OPHN1: variants seen among roughly 807,000 people sequenced by gnomAD.
OPHN1 encodes oligophrenin 1.
A neutral mutation model predicts 60.7 loss-of-function variants in OPHN1; 11 were observed. That is an observed-to-expected ratio of 0.18 (90% CI 0.11 to 0.30). The LOEUF is 0.30. Among genes scored for constraint, OPHN1 ranks in the 10% least tolerant of loss-of-function variants. The pLI is 1.00. For missense variants in OPHN1, 449 were observed against 611.0 expected (o/e 0.73, Z 2.80); for synonymous variants, 226 against 222.6 (o/e 1.02, Z -0.14).
chrX:68,395,466 A>C (rs1415471110), intron 2 of OPHN1, among the ~76,000 whole-genome samples: 1 of 99,931 alleles, frequency 1.0e-5, no homozygotes, highest in East Asian at 3.2e-4. Flanking sequence ...TTTTTTCTGG[A>C]GATGGAGTTT....
chrX:68,209,212 T>G (rs1366570924), intron 9 of OPHN1, among the ~76,000 whole-genome samples: 1 of 111,627 alleles, frequency 9.0e-6, no homozygotes, highest in Non-Finnish European at 1.9e-5. Flanking sequence ...CACATACAGG[T>G]GTGCATAATG....
chrX:68,216,994 T>A (rs2077613120), intron 6 of OPHN1, among the ~76,000 whole-genome samples: 1 of 111,789 alleles, frequency 8.9e-6, no homozygotes, highest in Admixed American at 9.4e-5. Flanking sequence ...GACGGGTGAC[T>A]TCTGCATTTC....
intron 5 of OPHN1, among the ~76,000 whole-genome samples, chrX:68,270,303 G>A (rs1383980721): frequency 5.4e-5 from 6 of 110,217 alleles, no homozygotes; most frequent in Admixed American, 1.9e-4. Flanking sequence ...TGTTTATTGC[G>A]GCACTATTCA....
chrX:68,297,703 G>A, intron 3 of OPHN1, among the ~76,000 whole-genome samples: 1 of 111,071 alleles, frequency 9.0e-6, no homozygotes, highest in Non-Finnish European at 1.9e-5. Context: ...AACATCTACT[G>A]TATGCCAGGC....
chrX:68,364,596 A>G (rs1393694706), intron 2 of OPHN1, among the ~76,000 whole-genome samples: 1 of 112,386 alleles, frequency 8.9e-6, no homozygotes, highest in Admixed American at 9.5e-5. Context: ...TTGATGAAAT[A>G]AGAACAGTTG....
chrX:68,365,103 A>G (rs1222162722), intron 2 of OPHN1, among the ~76,000 whole-genome samples: 1 of 112,057 alleles, frequency 8.9e-6, no homozygotes, highest in African/African-American at 3.2e-5. Context: ...AAACATGGCC[A>G]CTGTCTTCAA....
chrX:68,067,414 A>T (rs1201862420), intron 20 of OPHN1, among the ~76,000 whole-genome samples: 1 of 110,957 alleles, frequency 9.0e-6, no homozygotes, highest in African/African-American at 3.3e-5. Flanking sequence ...CTATATCATG[A>T]AGTCCATGAA....
At chrX:68,210,419 T>C in intron 8 of OPHN1, 137 bp from the exon 9 acceptor site, 2 of 612,668 alleles carry the variant, frequency 3.3e-6, no homozygotes, top group Admixed American at 6.3e-5. Context: ...AAATGGTGAA[T>C]GGCATAGTGA....
At chrX:68,190,216 G>A (rs2077481877) in intron 15 of OPHN1, among the ~76,000 whole-genome samples, 1 of 111,981 alleles carries the variant, frequency 8.9e-6, no homozygotes, top group African/African-American at 3.2e-5. Context: ...ACTAGACATT[G>A]AAAGGTAACT....
intron 2 of OPHN1, among the ~76,000 whole-genome samples, chrX:68,396,816 AAAAAAT>A (rs1215235123): frequency 6.3e-5 from 7 of 111,347 alleles, no homozygotes; most frequent in Non-Finnish European, 9.4e-5. Flanking sequence ...CTCCATCTCA[AAAAAAT>A]AAAAATAAAA....
intron 19 of OPHN1, among the ~76,000 whole-genome samples, chrX:68,078,474 T>A (rs1328448875): frequency 8.9e-6 from 1 of 111,973 alleles, no homozygotes; most frequent in East Asian, 2.8e-4. Flanking sequence ...ATATTTATTA[T>A]GTTTATAGGC....
At chrX:68,068,284 A>G (rs2076920235) in intron 20 of OPHN1, among the ~76,000 whole-genome samples, 1 of 109,418 alleles carries the variant, frequency 9.1e-6, no homozygotes, top group African/African-American at 3.3e-5. Context: ...AGTCTGGCCA[A>G]CACAGTGAAA....
At chrX:68,078,503 C>T (rs1298671038) in intron 19 of OPHN1, among the ~76,000 whole-genome samples, 1 of 111,703 alleles carries the variant, frequency 9.0e-6, no homozygotes, top group Admixed American at 9.5e-5. Flanking sequence ...ATGCATCTGT[C>T]CATCCAACAA....
chrX:68,354,660 C>G (rs1180577874), intron 2 of OPHN1, among the ~76,000 whole-genome samples: 6 of 101,590 alleles, frequency 5.9e-5, no homozygotes, highest in African/African-American at 2.2e-4. Flanking sequence ...GAGGCTGAGA[C>G]AGGAGAATCA....
intron 19 of OPHN1, among the ~76,000 whole-genome samples, chrX:68,082,131 G>A (rs942936617): frequency 2.7e-5 from 3 of 111,563 alleles, no homozygotes; most frequent in African/African-American, 9.8e-5. Context: ...ACGTCTTCAG[G>A]CTCCACTTCT....
chrX:68,167,679 A>G (rs1438390012), intron 15 of OPHN1, among the ~76,000 whole-genome samples: 1 of 100,714 alleles, frequency 9.9e-6, no homozygotes, highest in Non-Finnish European at 2.0e-5. Context: ...ATGCATACAC[A>G]TGTATATATG....
chrX:68,310,240 G>C (rs971634970), intron 2 of OPHN1, among the ~76,000 whole-genome samples: 5 of 111,445 alleles, frequency 4.5e-5, no homozygotes, highest in African/African-American at 1.6e-4. Context: ...AGCTTGGAAT[G>C]AGGTCCCTTC....
chrX:68,237,842 C>G (rs1052434455), intron 5 of OPHN1, among the ~76,000 whole-genome samples: 3 of 111,865 alleles, frequency 2.7e-5, no homozygotes, highest in Non-Finnish European at 5.6e-5. Context: ...GATAGATTTA[C>G]TTCTTTCCAA....
At chrX:68,167,624 C>CATGCATGCATATATATGCATACATAT (rs2077365277) in intron 15 of OPHN1, among the ~76,000 whole-genome samples, 7 of 109,113 alleles carry the variant, frequency 6.4e-5, no homozygotes, top group South Asian at 7.9e-4. Context: ...TACATGCGCG[C>CATGCATGCATATATATGCATACATAT]ATGCATGCAT....
Sources: allele counts gnomAD v4.1 joint callset (sites outside exome capture counted in the v4.1 genomes callset), GRCh38; gene constraint gnomAD v4.1.1; transcripts MANE v1.5; gene names NCBI Gene and HGNC (gene_info 2026-07-23, HGNC 2026-07-21).